ATP11A: variants seen among roughly 807,000 people sequenced by gnomAD.
ATP11A encodes ATPase phospholipid transporting 11A, also known as phospholipid-transporting ATPase IH.
In ATP11A, 81 loss-of-function variants were observed where a neutral mutation model predicts 154.4. That is an observed-to-expected ratio of 0.52 (90% CI 0.44 to 0.63). ATP11A has a LOEUF of 0.63. ATP11A is among the 30% of genes least tolerant of loss of function. The pLI, the probability that ATP11A is intolerant of heterozygous loss-of-function variation, is 0.00. For synonymous variants in ATP11A, 623 were observed against 585.9 expected (o/e 1.06, Z -0.91); for missense variants, 1,316 against 1,474.3 (o/e 0.89, Z 1.76).
intron 1 of ATP11A, among the ~76,000 whole-genome samples, chr13:112,738,477 A>G (rs576467097): frequency 6.6e-6 from 1 of 152,240 alleles, no homozygotes; most frequent in Admixed American, 6.5e-5. Flanking sequence ...GATTATTGCC[A>G]TAATTTACTG....
intron 1 of ATP11A, among the ~76,000 whole-genome samples, chr13:112,742,615 A>C (rs1432939524): frequency 6.6e-6 from 1 of 152,256 alleles, no homozygotes; most frequent in Non-Finnish European, 1.5e-5. Context: ...GCTACCGCTT[A>C]TGCCAGCTAC....
chr13:112,723,351 AC>A (rs1177839347), intron 1 of ATP11A, among the ~76,000 whole-genome samples: 1 of 7,440 alleles, frequency 1.3e-4, no homozygotes. Flanking sequence ...GGCTCACTGC[AC>A]CCTCCGCCTG....
chr13:112,720,304 C>T (rs1488586807), intron 1 of ATP11A, among the ~76,000 whole-genome samples: 3 of 152,204 alleles, frequency 2.0e-5, no homozygotes, highest in Non-Finnish European at 4.4e-5. Flanking sequence ...GTGTCACAGG[C>T]CATAGGTGGA....
rs1479374965 is a variant in ATP11A at position 112,854,347 on chromosome 13, C to T, written c.2060C>T (p.Thr687Met). 3 of 1,614,002 alleles carry T rather than the reference C, an allele frequency of 1.9e-6. No individual in the cohort carries two copies. Among genetic ancestry groups the T allele is most frequent in the African/African-American group, 1.3e-5 (1 of 74,924 alleles). Reference protein sequence around the residue: ...QKAGIKVWVLTGDKMETAAAT... With the variant: ...QKAGIKVWVLMGDKMETAAAT... ...GCCGGGATCAAAGTCTGGGTTCTCA[C>T]GGGAGACAAGATGGAGACGGCCGCG... Residue 687 changes from threonine (T) to methionine (M), a missense_variant, in exon 19 of 30, where the codon ACG becomes ATG. Coordinates refer to ENST00000375645, the MANE Select transcript of ATP11A (RefSeq NM_015205.3).
chr13:112,708,367 G>C (rs906668340), intron 1 of ATP11A, among the ~76,000 whole-genome samples: 1 of 152,098 alleles, frequency 6.6e-6, no homozygotes, highest in African/African-American at 2.4e-5. Context: ...GTCCGAAACC[G>C]TAATTACCTT....
chr13:112,692,045 T>G (rs1432058155), intron 1 of ATP11A, among the ~76,000 whole-genome samples: 2 of 152,216 alleles, frequency 1.3e-5, no homozygotes, highest in African/African-American at 4.8e-5. Context: ...TAAACCTGTG[T>G]TTCACTGTGG....
In ATP11A at chr13:112,785,938, G is replaced by A. The variant is rs111769442; in HGVS notation, c.162+681G>A. On this transcript the variant is annotated intron_variant, in intron 2 of 29. Coordinates refer to ENST00000375645, the MANE Select transcript of ATP11A (RefSeq NM_015205.3). The surrounding 1 kb of genome is among the most constrained non-coding windows in gnomAD (Gnocchi z 4.8). The stretch of plus-strand genomic sequence containing the variant: ...GGTAATGCGGAACGCACGTGCCTGC[G>A]TTCAGACTCCATTTATCTTCACCGT... 0.013 allele frequency among the ~76,000 whole-genome samples: 1,810 copies of A among 142,158 alleles called. 75 individuals carry two copies. Among genetic ancestry groups the A allele is most frequent in the African/African-American group, 0.047 (1,700 of 36,402 alleles). 93.3% of individuals were successfully genotyped at this position (142,158 alleles called of 152,430 possible).
chr13:112,856,551 T>C (rs1409071965), intron 20 of ATP11A: 1 of 153,010 alleles, frequency 6.5e-6, no homozygotes, highest in Admixed American at 6.5e-5. Flanking sequence ...AGATGGGAAA[T>C]GCCACGAGGA....
intron 25 of ATP11A, among the ~76,000 whole-genome samples, chr13:112,871,169 G>A (rs1276302919): frequency 2.0e-5 from 3 of 152,124 alleles, no homozygotes; most frequent in East Asian, 1.9e-4. Context: ...GCATTTACTC[G>A]CAGAACGTTC....
At chr13:112,828,220 T>C (rs1339391560) in intron 12 of ATP11A, among the ~76,000 whole-genome samples, 3 of 143,070 alleles carry the variant, frequency 2.1e-5, no homozygotes, top group African/African-American at 7.9e-5. Flanking sequence ...CCCAGCAGTG[T>C]TGAGTGCAGG....
chr13:112,719,027 C>G (rs1026314768), intron 1 of ATP11A, among the ~76,000 whole-genome samples: 2 of 152,074 alleles, frequency 1.3e-5, no homozygotes, highest in African/African-American at 4.8e-5. Flanking sequence ...AGGATTTCAA[C>G]GATGGCTTTA....
At chr13:112,840,768 G>A (rs2079390408) in intron 16 of ATP11A, among the ~76,000 whole-genome samples, 1 of 151,952 alleles carries the variant, frequency 6.6e-6, no homozygotes. Flanking sequence ...ATCCAGGAAG[G>A]AAGGCAAGGC....
chr13:112,782,828 C>T (rs767151008), intron 1 of ATP11A, among the ~76,000 whole-genome samples: 1 of 152,178 alleles, frequency 6.6e-6, no homozygotes, highest in Non-Finnish European at 1.5e-5. Context: ...GACCCAAGGT[C>T]GCGCTGAGGA....
intron 1 of ATP11A, among the ~76,000 whole-genome samples, chr13:112,700,490 T>A (rs1200616476): frequency 1.3e-5 from 2 of 152,220 alleles, no homozygotes; most frequent in Non-Finnish European, 2.9e-5. Context: ...TGTGCCATCC[T>A]GTGACAGGGC....
chr13:112,750,978 A>G, intron 1 of ATP11A, among the ~76,000 whole-genome samples: 1 of 152,258 alleles, frequency 6.6e-6, no homozygotes, highest in East Asian at 1.9e-4. Flanking sequence ...CATGAGGTAC[A>G]ATAGCATTAT....
chr13:112,706,923 G>A (rs745623527), intron 1 of ATP11A, among the ~76,000 whole-genome samples: 6 of 152,102 alleles, frequency 3.9e-5, no homozygotes, highest in Non-Finnish European at 8.8e-5. Flanking sequence ...GCTTTTTTGC[G>A]ACTGAGTTAT....
intron 17 of ATP11A, 26 bp downstream of exon 17, chr13:112,842,405 C>T (rs564870382): frequency 2.0e-5 from 31 of 1,531,208 alleles, no homozygotes; most frequent in Admixed American, 9.2e-5. Context: ...GGGAGGGCCT[C>T]GTGGCGGTCA....
At chr13:112,817,885 G>A (rs373542839) in intron 6 of ATP11A, among the ~76,000 whole-genome samples, 1 of 152,336 alleles carries the variant, frequency 6.6e-6, no homozygotes, top group African/African-American at 2.4e-5. Context: ...GAGTAGGGGC[G>A]TGGGAAGGGT....
chr13:112,716,052 G>C (rs958967606), intron 1 of ATP11A, among the ~76,000 whole-genome samples: 1 of 151,948 alleles, frequency 6.6e-6, no homozygotes, highest in Admixed American at 6.6e-5. Context: ...GCTCCTGCCT[G>C]GACTTTGAGA....
Sources: allele counts gnomAD v4.1 joint callset (sites outside exome capture counted in the v4.1 genomes callset), GRCh38; gene constraint gnomAD v4.1.1; non-coding constraint Gnocchi (gnomAD v3.1); transcripts MANE v1.5; gene names NCBI Gene and HGNC (gene_info 2026-07-23, HGNC 2026-07-21).